ABLIM2: variants seen among roughly 807,000 people sequenced by gnomAD.
ABLIM2 encodes the protein actin binding LIM protein family member 2.
Under a neutral mutation model 97.7 loss-of-function variants are expected in ABLIM2, and 53 were observed. The ratio of observed to expected loss-of-function variants is 0.54; its 90% CI spans 0.44 to 0.68. The LOEUF (loss-of-function observed/expected upper bound fraction) is 0.68, where lower values mean the gene tolerates loss of function less well. Ranked by LOEUF, ABLIM2 falls within the 30% of genes least tolerant of loss-of-function variation. ABLIM2 has a pLI of 0.00. For missense variants in ABLIM2, 835 were observed against 867.2 expected, an observed-to-expected ratio of 0.96 and a Z score of 0.47; for synonymous variants, 361 against 345.8, an observed-to-expected ratio of 1.04 and a Z score of -0.49.
rs184612156 is a variant in ABLIM2, at chr4:8,128,295, C to G, written c.11-21658G>C. Reference sequence around the variant, plus strand: ...TCTCCATCTTTACCATAATTACATACGGAAACACCCAAACAAGGTCACATT... The same window carrying G: ...TCTCCATCTTTACCATAATTACATAGGGAAACACCCAAACAAGGTCACATT... On this transcript the variant is annotated intron_variant, in intron 1 of 20. Transcript: ENST00000447017. This position sits in a 1 kb window ranked among gnomAD's most constrained non-coding sequence, Gnocchi z 4.9. 6.6e-6 allele frequency among the ~76,000 whole-genome samples: 1 copy of G among 152,118 alleles called. No individual in the cohort carries two copies. Among genetic ancestry groups the G allele is most frequent in the Non-Finnish European group, 1.5e-5 (1 of 68,018 alleles).
intron 1 of ABLIM2, among the ~76,000 whole-genome samples, chr4:8,121,661 G>A (rs1028024088): frequency 2.0e-5 from 3 of 152,216 alleles, no homozygotes; most frequent in African/African-American, 4.8e-5. Flanking sequence ...TCATTGCCTT[G>A]AGCCAGAGTG....
rs1033881712 is a variant in ABLIM2, at chr4:8,125,599, C to T, written c.11-18962G>A. Among the ~76,000 whole-genome samples, 3 of 152,116 alleles carry T rather than the reference C, an allele frequency of 2.0e-5. No homozygotes were observed. The highest frequency in any genetic ancestry group is 7.2e-5 in the African/African-American group (3 of 41,434). On this transcript the variant is annotated intron_variant, in intron 1 of 20. Transcript: ENST00000447017. This position sits in a 1 kb window ranked among gnomAD's most constrained non-coding sequence, Gnocchi z 6.2. ...ACAGGTTTGCATGGGGCCTCGGTGC[C>T]GGGGCTGCTTCTGGGATGGTCGTGG...
chr4:8,088,077 CTCA>C, intron 4 of ABLIM2, 89 bp downstream of exon 4: 1 of 549,348 alleles, frequency 1.8e-6, no homozygotes, highest in Admixed American at 5.6e-5. Context: ...GTACGCCCCA[CTCA>C]GCGCCCCCCA....
At chr4:7,987,153 T>G (rs963848788) in intron 17 of ABLIM2, among the ~76,000 whole-genome samples, 1 of 152,034 alleles carries the variant, frequency 6.6e-6, no homozygotes, top group Non-Finnish European at 1.5e-5. Flanking sequence ...ATTTTTGTAT[T>G]TTTTGGTAGA....
At chr4:8,053,516 G>C (rs1797271386) in intron 8 of ABLIM2, among the ~76,000 whole-genome samples, 1 of 152,200 alleles carries the variant, frequency 6.6e-6, no homozygotes, top group Non-Finnish European at 1.5e-5. Context: ...TCACAGACAT[G>C]AGGGGGGTCT....
At position 8,004,136 on chromosome 4, in the gene ABLIM2, A is replaced by T. The variant is rs1417907648; in HGVS notation, c.1618+3923T>A. 1.4e-5 allele frequency among the ~76,000 whole-genome samples: 2 copies of T among 141,222 alleles called. No homozygotes were observed. Among genetic ancestry groups the T allele is most frequent in the South Asian group, 2.2e-4 (1 of 4,596 alleles). The allele number at this position is 141,222 out of a possible 152,430, so 92.6% of individuals were successfully genotyped here. ...ACCTTCCCTTCCACAGAAAAGCTGC[A>T]GCAGGGTCGCTGTCTCCTAACCCTC... On this transcript the variant is annotated intron_variant, in intron 16 of 20. Coordinates refer to ENST00000447017, the MANE Select transcript of ABLIM2 (RefSeq NM_001130083.2). The surrounding 1 kb of genome is among the most constrained non-coding windows in gnomAD (Gnocchi z 5.9).
intron 2 of ABLIM2, among the ~76,000 whole-genome samples, chr4:8,103,111 T>C (rs11945843): frequency 0.022 from 3,375 of 152,268 alleles, 119 homozygotes; most frequent in African/African-American, 0.076. Flanking sequence ...GAGGGAACAT[T>C]TGGGCATCCA....
rs766022777 is a variant in ABLIM2, at chr4:8,088,266, C to T, written c.357G>A (p.Gly119=). 5 of 1,612,782 alleles carry T rather than the reference C, an allele frequency of 3.1e-6. No individual in the cohort carries two copies. In the African/African-American group the frequency reaches 5.4e-5, roughly 17 times the overall value. ...CAVCRLPFPP[G]DRVTFNGKEC... is the part of the protein sequence containing the mutation. ...CCTTCCCGTTGAAGGTCACTCGGTC[C>T]CCGGGGGGGAAGGGCAGCCTGAAAC... The change falls in exon 4 of 21, where the codon GGG becomes GGA. Residue 119 remains glycine (G), a synonymous_variant. Coordinates refer to ENST00000447017, the MANE Select transcript of ABLIM2 (RefSeq NM_001130083.2).
At chr4:8,074,917 C>G (rs1815000588) in intron 6 of ABLIM2, among the ~76,000 whole-genome samples, 1 of 151,838 alleles carries the variant, frequency 6.6e-6, no homozygotes, top group East Asian at 1.9e-4. Context: ...CCCTGAGTAG[C>G]TGGGATTACA....
At chr4:8,131,825 CAGCACAGCAGCCCGCA>C (rs1849461707) in intron 1 of ABLIM2, among the ~76,000 whole-genome samples, 3 of 130,712 alleles carry the variant, frequency 2.3e-5, no homozygotes. Flanking sequence ...CCCGCATCCC[CAGCACAGCAGCCCGCA>C]TCCCTGAGCA....
rs1850776761 is a variant in ABLIM2, at chr4:8,140,319, AG to A, written c.10+18360del. Among the ~76,000 whole-genome samples, 2 of 152,240 alleles carry A rather than the reference AG, an allele frequency of 1.3e-5. No homozygotes were observed. Among genetic ancestry groups the A allele is most frequent in the African/African-American group, 4.8e-5 (2 of 41,450 alleles). On this transcript the variant is annotated intron_variant, in intron 1 of 20. Coordinates refer to ENST00000447017, the MANE Select transcript of ABLIM2 (RefSeq NM_001130083.2). This position sits in a 1 kb window ranked among gnomAD's most constrained non-coding sequence, Gnocchi z 5.9. ...ATGCTCCCCATCTGGTGAAGGAAAC[AG>A]AGAATGTGGTCAAACACACCACAGG...
chr4:8,016,041 G>A (rs374970100), intron 14 of ABLIM2, among the ~76,000 whole-genome samples: 7 of 73,292 alleles, frequency 9.6e-5, no homozygotes, highest in Admixed American at 8.5e-4. Context: ...TTTTGTTGTT[G>A]TATTTTTTTT....
In ABLIM2 at chr4:8,033,330, G is replaced by A. The variant is rs537529181; in HGVS notation, c.1047+2819C>T. On this transcript the variant is annotated intron_variant, in intron 10 of 20. Coordinates refer to ENST00000447017, the MANE Select transcript of ABLIM2 (RefSeq NM_001130083.2). The surrounding 1 kb of genome is among the most constrained non-coding windows in gnomAD (Gnocchi z 4.5). ...GAGCGGGGAGGCACTCTGTTCACAG[G>A]AACCATGGTTATTACAGCGCAATAA... 6.6e-6 allele frequency among the ~76,000 whole-genome samples: 1 copy of A among 152,322 alleles called. No homozygotes were observed. The highest frequency in any genetic ancestry group is 1.5e-5 in the Non-Finnish European group (1 of 68,022).
In ABLIM2 at chr4:8,002,993, G is replaced by C. The variant is rs550432587; in HGVS notation, c.1618+5066C>G. On this transcript the variant is annotated intron_variant, in intron 16 of 20. Transcript: ENST00000447017. The surrounding 1 kb of genome is among the most constrained non-coding windows in gnomAD (Gnocchi z 6.1). ...CACTGATATAACTCACTTTCAGCTTGTTTCTCTTTGTCTCCCAGCCCCTAG... is the reference window on the plus strand; with the variant it reads ...CACTGATATAACTCACTTTCAGCTTCTTTCTCTTTGTCTCCCAGCCCCTAG... Among the ~76,000 whole-genome samples, 1 of 152,264 alleles carries C rather than the reference G, an allele frequency of 6.6e-6. No individual in the cohort carries two copies. Among genetic ancestry groups the C allele is most frequent in the African/African-American group, 2.4e-5 (1 of 41,560 alleles).
At chr4:8,051,562 CAAAA>C (rs36056609) in intron 8 of ABLIM2, among the ~76,000 whole-genome samples, 1 of 107,912 alleles carries the variant, frequency 9.3e-6, no homozygotes. Flanking sequence ...GATTCCATCT[CAAAA>C]AAAAAAAAAA....
intron 8 of ABLIM2, among the ~76,000 whole-genome samples, chr4:8,050,173 C>T (rs1486913144): frequency 6.6e-6 from 1 of 152,186 alleles, no homozygotes; most frequent in Non-Finnish European, 1.5e-5. Flanking sequence ...AGCTGCACCC[C>T]AACACCTTGG....
Position 7,983,558 on chromosome 4 carries a change from TAAGA to T in ABLIM2, c.1736-8_1736-5del. 1.2e-6 allele frequency: 2 copies of T among 1,613,188 alleles called. No homozygotes were observed. Among genetic ancestry groups the T allele is most frequent in the Middle Eastern group, 1.6e-4 (1 of 6,062 alleles). On this transcript the variant is annotated splice_polypyrimidine_tract_variant and splice_region_variant and intron_variant, in intron 18 of 20. Coordinates refer to ENST00000447017, the MANE Select transcript of ABLIM2 (RefSeq NM_001130083.2). ...GCGGCCCCGCTTACCTTGTATTCTG[TAAGA>T]GAGAGAGAGCGGAGACCACGAAATG... is the stretch of plus-strand genomic sequence containing the variant.
At chr4:8,098,218 C>A (rs1211063076) in intron 2 of ABLIM2, among the ~76,000 whole-genome samples, 1 of 152,240 alleles carries the variant, frequency 6.6e-6, no homozygotes, top group African/African-American at 2.4e-5. Context: ...CAGCCCCAGC[C>A]CCTCTGGCCT....
chr4:8,154,171 C>A (rs765597839), intron 1 of ABLIM2, among the ~76,000 whole-genome samples: 162 of 151,506 alleles, frequency 1.1e-3, no homozygotes, highest in Non-Finnish European at 1.9e-3. Context: ...ACTGTGTTAG[C>A]CAGGATGGTC....
Sources: gnomAD v4.1 joint callset for allele counts (sites outside exome capture counted in the v4.1 genomes callset) on GRCh38, gnomAD v4.1.1 for gene constraint, Gnocchi (gnomAD v3.1) non-coding constraint, MANE v1.5 for transcripts, NCBI Gene and HGNC (gene_info 2026-07-23, HGNC 2026-07-21) for gene names.